The following DRC8 variants were observed in gnomAD, a reference collection of about 807,000 sequenced individuals.
The protein encoded by DRC8 is dynein regulatory complex protein 8.
At chr1:244,982,412 C>A in the DRC8 span, among the ~76,000 whole-genome samples, 1 of 152,210 alleles carries the variant, frequency 6.6e-6, no homozygotes, top group Non-Finnish European at 1.5e-5. Flanking sequence ...TGCCTGTAAT[C>A]CCAGCACTTT....
the DRC8 span, among the ~76,000 whole-genome samples, chr1:245,025,842 C>T: frequency 6.6e-6 from 1 of 152,198 alleles, no homozygotes; most frequent in East Asian, 1.9e-4. Flanking sequence ...TAAAGGGCAG[C>T]TCCCCTGCAG....
chr1:245,088,811 T>A, the DRC8 span, among the ~76,000 whole-genome samples: 1 of 152,000 alleles, frequency 6.6e-6, no homozygotes, highest in Non-Finnish European at 1.5e-5. This position sits in a 1 kb window ranked among gnomAD's most constrained non-coding sequence, Gnocchi z 4.6. Context: ...GAGCAGCAAG[T>A]CCAGAAACCC....
chr1:245,098,337 G>A, the DRC8 span, among the ~76,000 whole-genome samples: 1 of 152,102 alleles, frequency 6.6e-6, no homozygotes, highest in Non-Finnish European at 1.5e-5. Context: ...TCAGTGCACC[G>A]AAGATGTTTA....
chr1:245,055,783 G>C, the DRC8 span, among the ~76,000 whole-genome samples: 1 of 152,096 alleles, frequency 6.6e-6, no homozygotes, highest in African/African-American at 2.4e-5. Flanking sequence ...TGCTCTTCTT[G>C]CCGCTCGCTG....
At chr1:245,093,465 G>A in the DRC8 span, among the ~76,000 whole-genome samples, 3 of 152,054 alleles carry the variant, frequency 2.0e-5, no homozygotes, top group Non-Finnish European at 4.4e-5. Context: ...TTGGGAGGCT[G>A]AGGTGAGCGG....
chr1:245,042,289 T>C, the DRC8 span, among the ~76,000 whole-genome samples: 2 of 152,224 alleles, frequency 1.3e-5, no homozygotes, highest in African/African-American at 4.8e-5. Flanking sequence ...TCCAGAGTTT[T>C]TTAGGGGGCT....
At chr1:244,971,772 A>C in the DRC8 span, among the ~76,000 whole-genome samples, 5 of 152,320 alleles carry the variant, frequency 3.3e-5, no homozygotes, top group African/African-American at 1.2e-4. Flanking sequence ...ATCGGCGAAG[A>C]AACACATGAA....
At chr1:245,059,759 T>C in the DRC8 span, among the ~76,000 whole-genome samples, 2 of 152,206 alleles carry the variant, frequency 1.3e-5, no homozygotes, top group Non-Finnish European at 2.9e-5. Flanking sequence ...GGGCTGACCG[T>C]ATGCAGAAAG....
the DRC8 span, chr1:245,122,537 T>A: frequency 6.6e-6 from 1 of 152,320 alleles, no homozygotes; most frequent in South Asian, 2.0e-4. Flanking sequence ...CAGCTCACTG[T>A]AGCATCGACC....
the DRC8 span, among the ~76,000 whole-genome samples, chr1:244,987,640 G>GAT: frequency 7.5e-5 from 4 of 53,058 alleles, no homozygotes; most frequent in Non-Finnish European, 1.4e-4. Flanking sequence ...TTGGATTCTT[G>GAT]ATTTTTTTTT....
chr1:245,081,162 T>TAC, the DRC8 span, among the ~76,000 whole-genome samples: 1 of 149,806 alleles, frequency 6.7e-6, no homozygotes, highest in Non-Finnish European at 1.5e-5. Context: ...TTTATTTATC[T>TAC]ATATATATAT....
At chr1:245,066,798 T>G in the DRC8 span, among the ~76,000 whole-genome samples, 1 of 151,940 alleles carries the variant, frequency 6.6e-6, no homozygotes, top group Non-Finnish European at 1.5e-5. Context: ...TCCCAGCTAC[T>G]CGGGAGGCTG....
the DRC8 span, among the ~76,000 whole-genome samples, chr1:245,051,424 C>G: frequency 3.3e-5 from 5 of 151,806 alleles, no homozygotes; most frequent in African/African-American, 1.2e-4. Flanking sequence ...ACAAAACCAT[C>G]GATATTATTT....
At chr1:245,039,418 T>G in the DRC8 span, among the ~76,000 whole-genome samples, 2 of 142,746 alleles carry the variant, frequency 1.4e-5, no homozygotes, top group Admixed American at 1.5e-4. Context: ...GAGGCTGCAG[T>G]GAGCTATGAT....
chr1:245,008,018 TA>T, the DRC8 span, among the ~76,000 whole-genome samples: 1 of 151,486 alleles, frequency 6.6e-6, no homozygotes, highest in Non-Finnish European at 1.5e-5. Flanking sequence ...AAACAAAAAT[TA>T]AAAAAAATTA....
At chr1:244,975,804 G>C in the DRC8 span, among the ~76,000 whole-genome samples, 1 of 152,112 alleles carries the variant, frequency 6.6e-6, no homozygotes, top group African/African-American at 2.4e-5. Flanking sequence ...AGGTTGCAGT[G>C]AGCTGAGATC....
the DRC8 span, among the ~76,000 whole-genome samples, chr1:245,068,695 G>A: frequency 1.3e-5 from 2 of 151,542 alleles, no homozygotes; most frequent in African/African-American, 4.9e-5. Context: ...TCCCACCTCA[G>A]CCTCCCAAAG....
the DRC8 span, among the ~76,000 whole-genome samples, chr1:245,078,495 C>A: frequency 6.6e-6 from 1 of 151,896 alleles, no homozygotes; most frequent in African/African-American, 2.4e-5. Context: ...GAATATTATT[C>A]AGCCTTAAAA....
the DRC8 span, chr1:245,091,743 C>T: frequency 6.6e-6 from 1 of 152,364 alleles, no homozygotes; most frequent in South Asian, 2.1e-4. Context: ...CCACAGAAAT[C>T]TCATTTTATC....
Sources: gnomAD v4.1 joint callset for allele counts (sites outside exome capture counted in the v4.1 genomes callset) on GRCh38, gnomAD v4.1.1 for gene constraint, Gnocchi (gnomAD v3.1) non-coding constraint, MANE v1.5 for transcripts, NCBI Gene and HGNC (gene_info 2026-07-23, HGNC 2026-07-21) for gene names.